Variants in OPCML observed in about 807,000 individuals in gnomAD.
OPCML encodes the protein opioid binding protein/cell adhesion molecule like.
OPCML carries 13 observed loss-of-function variants against 37.8 expected under a neutral mutation model. The ratio of observed to expected loss-of-function variants is 0.34; its 90% CI spans 0.22 to 0.55. The LOEUF is 0.55. OPCML is among the 20% of genes least tolerant of loss of function. The pLI is 0.91. For missense variants in OPCML, 341 were observed against 435.6 expected (o/e 0.78, Z 1.93); for synonymous variants, 176 against 168.8 (o/e 1.04, Z -0.33).
intron 1 of OPCML, among the ~76,000 whole-genome samples, chr11:133,109,306 G>C (rs1049658556): frequency 2.0e-5 from 3 of 152,246 alleles, no homozygotes; most frequent in South Asian, 2.1e-4. Flanking sequence ...AAAAGAACAA[G>C]GACTCCACAG....
intron 2 of OPCML, among the ~76,000 whole-genome samples, chr11:132,889,277 A>C (rs1943549223): frequency 6.6e-6 from 1 of 152,190 alleles, no homozygotes; most frequent in Non-Finnish European, 1.5e-5. Context: ...CACCCCTTAC[A>C]TCCTCCTACC....
rs548866637 is a variant in OPCML at position 133,117,066 on chromosome 11, T to G, written c.62-174056A>C. ...ATTAATTTTATTCTACTCAATGGAT[T>G]AACATCTGCTATTTTTGTTACAGTC... On this transcript the variant is annotated intron_variant, in intron 1 of 7. Transcript: ENST00000524381. 2.0e-5 allele frequency among the ~76,000 whole-genome samples: 3 copies of G among 152,302 alleles called. No individual in the cohort carries two copies. In the South Asian group the frequency reaches 6.2e-4, roughly 32 times the overall value.
intron 1 of OPCML, among the ~76,000 whole-genome samples, chr11:133,081,243 C>T (rs919084223): frequency 3.3e-5 from 5 of 152,082 alleles, no homozygotes; most frequent in African/African-American, 9.7e-5. Flanking sequence ...GGTTAGGGCT[C>T]TTTGAACAGT....
At chr11:132,498,586 T>C (rs994131882) in intron 4 of OPCML, among the ~76,000 whole-genome samples, 8 of 152,214 alleles carry the variant, frequency 5.3e-5, no homozygotes, top group Non-Finnish European at 1.2e-4. Context: ...GCTTTATTTA[T>C]ACTCTACGAC....
At position 133,455,279 on chromosome 11, in the gene OPCML, A is replaced by G. The variant is rs559127003; in HGVS notation, c.61+76985T>C. Among the ~76,000 whole-genome samples, 3 of 152,214 alleles carry G rather than the reference A, an allele frequency of 2.0e-5. No homozygotes were observed. The South Asian group carries it at 6.2e-4, about 32-fold the overall frequency. On this transcript the variant is annotated intron_variant, in intron 1 of 7. Transcript: ENST00000524381. Reference sequence around the variant, plus strand: ...TAGTCTTCTTAGAACAGAAAACACCAAAAATAGTTAGTGTTAATTCTTTTA... The same window carrying G: ...TAGTCTTCTTAGAACAGAAAACACCGAAAATAGTTAGTGTTAATTCTTTTA...
At chr11:133,435,080 T>G (rs185876110) in intron 1 of OPCML, among the ~76,000 whole-genome samples, 3 of 151,962 alleles carry the variant, frequency 2.0e-5, no homozygotes, top group Non-Finnish European at 4.4e-5. Flanking sequence ...GCCAGATTTA[T>G]TTTAATAGCT....
intron 3 of OPCML, among the ~76,000 whole-genome samples, chr11:132,617,339 T>A (rs1049286481): frequency 6.6e-6 from 1 of 152,202 alleles, no homozygotes; most frequent in African/African-American, 2.4e-5. Flanking sequence ...AGAGTTAAAC[T>A]ACACAATAAT....
intron 1 of OPCML, among the ~76,000 whole-genome samples, chr11:132,986,859 T>A (rs1008018911): frequency 6.6e-6 from 1 of 152,118 alleles, no homozygotes; most frequent in Non-Finnish European, 1.5e-5. Context: ...ATTAAGCATA[T>A]CTACAGAAGA....
At chr11:132,526,063 G>A (rs1565637600) in intron 4 of OPCML, among the ~76,000 whole-genome samples, 2 of 152,074 alleles carry the variant, frequency 1.3e-5, no homozygotes, top group South Asian at 4.1e-4. Flanking sequence ...TTTCCAGTGA[G>A]GCTAAATTGC....
At chr11:133,099,589 A>T (rs1949057422) in intron 1 of OPCML, among the ~76,000 whole-genome samples, 1 of 151,554 alleles carries the variant, frequency 6.6e-6, no homozygotes, top group Admixed American at 6.6e-5. Context: ...GCCTGGCCTG[A>T]TTTTTTAATA....
chr11:132,520,215 C>T (rs7944266), intron 4 of OPCML, among the ~76,000 whole-genome samples: 39,948 of 152,052 alleles, frequency 0.26, 5,300 homozygotes, highest in Middle Eastern at 0.38. Flanking sequence ...TTCAATATAT[C>T]ATTTTACATT....
intron 1 of OPCML, among the ~76,000 whole-genome samples, chr11:133,207,264 C>A (rs1939116395): frequency 1.3e-5 from 2 of 152,090 alleles, no homozygotes; most frequent in African/African-American, 4.8e-5. Flanking sequence ...CAAGCCACTG[C>A]CCTCCAGCCT....
At position 132,771,711 on chromosome 11, in the gene OPCML, A is replaced by G. The variant is rs372972297; in HGVS notation, c.147-114392T>C. On this transcript the variant is annotated intron_variant, in intron 2 of 7. Coordinates refer to ENST00000524381, the MANE Select transcript of OPCML (RefSeq NM_001012393.5). ...AGGAAATGTAATTCTCCAAAAAGCC[A>G]CAGAGTCAGTCAATGAAAACGCACA... 5.3e-5 allele frequency: 8 copies of G among 152,236 alleles called. No individual in the cohort carries two copies. In the South Asian group the frequency reaches 8.3e-4, roughly 16 times the overall value. The allele number at this position is 152,236 out of a possible 1,614,324, so 9.4% of individuals were successfully genotyped here.
Position 133,460,553 on chromosome 11 carries a change from AC to A in OPCML, c.61+71710del, listed in dbSNP as rs566980394. ...AGAAATAGAAAAGATTATAAGGAGTACTATAAACGATTGTACACTAAGAAAT... is the reference window on the plus strand; with the variant it reads ...AGAAATAGAAAAGATTATAAGGAGTATATAAACGATTGTACACTAAGAAAT... On this transcript the variant is annotated intron_variant, in intron 1 of 7. Transcript: ENST00000524381. Among the ~76,000 whole-genome samples, 7 of 152,004 alleles carry A rather than the reference AC, an allele frequency of 4.6e-5. No individual in the cohort carries two copies. In the East Asian group the frequency reaches 1.2e-3, roughly 25 times the overall value.
At chr11:133,277,472 T>G (rs989725932) in intron 1 of OPCML, among the ~76,000 whole-genome samples, 2 of 152,158 alleles carry the variant, frequency 1.3e-5, no homozygotes, top group South Asian at 2.1e-4. Flanking sequence ...TTGGGTTTCT[T>G]CCAGACGAAG....
At chr11:132,421,109 G>C (rs1226970689) in intron 7 of OPCML, among the ~76,000 whole-genome samples, 3 of 151,940 alleles carry the variant, frequency 2.0e-5, no homozygotes, top group Non-Finnish European at 4.4e-5. Context: ...GGCTCAAGAA[G>C]ACAAATCACA....
chr11:133,220,342 C>T (rs1202795161), intron 1 of OPCML, among the ~76,000 whole-genome samples: 1 of 152,150 alleles, frequency 6.6e-6, no homozygotes, highest in Non-Finnish European at 1.5e-5. Context: ...AGGCATTAAC[C>T]CAAGAAGTCC....
chr11:132,564,268 C>G, intron 3 of OPCML, among the ~76,000 whole-genome samples: 1 of 152,302 alleles, frequency 6.6e-6, no homozygotes, highest in South Asian at 2.1e-4. Context: ...AAATGAAGTG[C>G]GTGAGAGACA....
intron 1 of OPCML, chr11:133,299,782 A>T (rs1314458769): frequency 1.3e-5 from 2 of 152,172 alleles, no homozygotes; most frequent in Non-Finnish European, 2.9e-5. Flanking sequence ...GTGCCTGAGG[A>T]GCTCCATACT....
Sources: gnomAD v4.1 joint callset for allele counts (sites outside exome capture counted in the v4.1 genomes callset) on GRCh38, gnomAD v4.1.1 for gene constraint, MANE v1.5 for transcripts, NCBI Gene and HGNC (gene_info 2026-07-23, HGNC 2026-07-21) for gene names.